Variants in ANKRD13B observed in about 807,000 individuals in gnomAD.
The protein encoded by ANKRD13B is ankyrin repeat domain 13B.
ANKRD13B carries 33 observed loss-of-function variants against 74.4 expected under a neutral mutation model. The observed-to-expected ratio is 0.44, with a 90% CI of 0.34 to 0.59. The LOEUF is 0.59. ANKRD13B is among the 20% of genes least tolerant of loss of function. The pLI is 0.02. For synonymous variants in ANKRD13B, 341 were observed against 362.9 expected, an observed-to-expected ratio of 0.94 and a Z score of 0.68; for missense variants, 676 against 877.9, an observed-to-expected ratio of 0.77 and a Z score of 2.91.
At chr17:29,598,663 C>T (rs1211662665) in intron 1 of ANKRD13B, among the ~76,000 whole-genome samples, 3 of 152,146 alleles carry the variant, frequency 2.0e-5, no homozygotes, top group Admixed American at 1.3e-4. Flanking sequence ...ATCCTCCCAT[C>T]TCAGCCTCCC....
Position 29,608,101 on chromosome 17 carries a change from G to T in ANKRD13B, c.366G>T (p.Lys122Asn). 2.5e-6 allele frequency: 4 copies of T among 1,613,080 alleles called. No individual in the cohort carries two copies. Among genetic ancestry groups the T allele is most frequent in the Non-Finnish European group, 3.4e-6 (4 of 1,179,638 alleles). Reference sequence around the variant, plus strand: ...CGGGCATCCCCGTGCTCCTGGAGAAGCTGCGCAAGGTGAGGCCCAGCCTCT... The same window carrying T: ...CGGGCATCCCCGTGCTCCTGGAGAATCTGCGCAAGGTGAGGCCCAGCCTCT... Reference protein sequence around the residue: ...RLAGIPVLLEKLRKAQDFYVE... With the variant: ...RLAGIPVLLENLRKAQDFYVE... The change falls in exon 3 of 15, where the codon AAG (lysine) becomes AAT (asparagine). Residue 122 changes from lysine to asparagine, a missense_variant. Around this residue, in one of 4 missense-constraint regions of ANKRD13B, gnomAD observed 328 missense variants for 518.4 expected, o/e 0.63. Transcript: ENST00000394859. The surrounding 1 kb of genome is among the most constrained non-coding windows in gnomAD (Gnocchi z 6.4).
Position 29,612,700 on chromosome 17 carries a change from G to GCGGCTA in ANKRD13B, c.1462_1467dup (p.Gly488_Tyr489dup). 6.3e-7 allele frequency: 1 copy of GCGGCTA among 1,595,640 alleles called. No homozygotes were observed. The highest frequency in any genetic ancestry group is 8.5e-7 in the Non-Finnish European group (1 of 1,176,488). On this transcript the variant is annotated inframe_insertion, in exon 13 of 15. Transcript: ENST00000394859. This position sits in a 1 kb window ranked among gnomAD's most constrained non-coding sequence, Gnocchi z 6.1. ...TCCCCAGCGTTGTTCGAGGCCCCGC[G>GCGGCTA]CGGCTACAGCATGATGGGCGGCCAG...
intron 1 of ANKRD13B, among the ~76,000 whole-genome samples, chr17:29,599,037 G>C (rs890565520): frequency 6.6e-6 from 1 of 152,180 alleles, no homozygotes; most frequent in South Asian, 2.1e-4. Flanking sequence ...TGCAGGAGGT[G>C]CTCAACAGGC....
In ANKRD13B at chr17:29,611,500, T is replaced by A; in HGVS notation, c.905-79T>A. 1 of 1,487,262 alleles carries A rather than the reference T, an allele frequency of 6.7e-7. No homozygotes were observed. The highest frequency in any genetic ancestry group is 9.4e-7 in the Non-Finnish European group (1 of 1,066,624). 92.1% of individuals were successfully genotyped at this position (1,487,262 alleles called of 1,614,324 possible). On this transcript the variant is annotated intron_variant, in intron 8 of 14. Transcript: ENST00000394859. The surrounding 1 kb of genome is among the most constrained non-coding windows in gnomAD (Gnocchi z 4.3). ...CAGGAACCGGCCTCCTCCCTAGGTCTTGGGTGCTGTCACCTCTGATGAGGT... is the reference window on the plus strand; with the variant it reads ...CAGGAACCGGCCTCCTCCCTAGGTCATGGGTGCTGTCACCTCTGATGAGGT...
chr17:29,598,199 A>C (rs1421858411), intron 1 of ANKRD13B, among the ~76,000 whole-genome samples: 3 of 152,208 alleles, frequency 2.0e-5, no homozygotes, highest in African/African-American at 7.2e-5. Context: ...AGAGGCCAAC[A>C]GGGGCCAGGC....
chr17:29,603,363 T>G (rs533096345), intron 1 of ANKRD13B, among the ~76,000 whole-genome samples: 1 of 152,180 alleles, frequency 6.6e-6, no homozygotes, highest in East Asian at 1.9e-4. Flanking sequence ...TGCCTCAGCT[T>G]CAGAGGAGCT....
At chr17:29,600,638 T>A (rs1369987623) in intron 1 of ANKRD13B, among the ~76,000 whole-genome samples, 2 of 152,196 alleles carry the variant, frequency 1.3e-5, no homozygotes, top group Non-Finnish European at 2.9e-5. Flanking sequence ...CAGGGGATCC[T>A]GAATTGTAAC....
intron 1 of ANKRD13B, among the ~76,000 whole-genome samples, chr17:29,606,892 T>TA (rs562908331): frequency 9.3e-4 from 141 of 150,938 alleles, no homozygotes; most frequent in Middle Eastern, 3.4e-3. Context: ...CTACTAAAAA[T>TA]ACAAAAAATT....
intron 1 of ANKRD13B, among the ~76,000 whole-genome samples, chr17:29,606,119 C>T (rs144781865): frequency 2.0e-5 from 3 of 151,514 alleles, no homozygotes; most frequent in Non-Finnish European, 4.4e-5. Flanking sequence ...TCCATGTTGT[C>T]AGGCTGGTCT....
At position 29,613,362 on chromosome 17, in the gene ANKRD13B, CG is replaced by C; in HGVS notation, c.1662del (p.Thr556ArgfsTer64). On this transcript the variant is annotated frameshift_variant, in exon 15 of 15. Coordinates refer to ENST00000394859, the MANE Select transcript of ANKRD13B (RefSeq NM_152345.5). LOFTEE classifies it high-confidence loss of function. The stretch of plus-strand genomic sequence containing the variant: ...TCCTTCCCCACCCCCAGGAGCGCCC[CG>C]CCCACGCCGCAGCGCCAGCCTGCGC... The part of the protein sequence containing the change: ...YEGRRQDRSA[P>X]PTPQRQPAPP... The C allele has an allele frequency of 6.8e-7, 1 of 1,461,838 alleles. No homozygotes were observed. The highest frequency in any genetic ancestry group is 2.9e-5 in the East Asian group (1 of 34,350). 90.6% of individuals were successfully genotyped at this position (1,461,838 alleles called of 1,614,324 possible).
chr17:29,612,322 G>A lies in ANKRD13B; in HGVS notation c.1258+49G>A. The A allele has an allele frequency of 6.2e-7, 1 of 1,612,346 alleles. No homozygotes were observed. The highest frequency in any genetic ancestry group is 8.5e-7 in the Non-Finnish European group (1 of 1,178,720). On this transcript the variant is annotated intron_variant, in intron 11 of 14. Transcript: ENST00000394859. This position sits in a 1 kb window ranked among gnomAD's most constrained non-coding sequence, Gnocchi z 6.1. The stretch of plus-strand genomic sequence containing the variant: ...CTGAGCCCGTGGCGGGCCGACCGGG[G>A]TTTAGATGAGGTCGGGGTGGGGCTG...
rs147534314 is a variant in ANKRD13B, at chr17:29,609,097, G to C, written c.577G>C (p.Val193Leu). ...TCCGTGTCTGGCAGACACAAGCGCCGTGGTCATGGAGATTGACCACGACCG... is the reference window on the plus strand; with the variant it reads ...TCCGTGTCTGGCAGACACAAGCGCCCTGGTCATGGAGATTGACCACGACCG... Reference protein sequence around the residue: ...FVFRGQDTSAVVMEIDHDRRV... With the variant: ...FVFRGQDTSALVMEIDHDRRV... The change falls in exon 6 of 15, where the codon GTG (valine) becomes CTG (leucine). Residue 193 changes from valine (V) to leucine (L), a missense_variant. Coordinates refer to ENST00000394859, the MANE Select transcript of ANKRD13B (RefSeq NM_152345.5). This position sits in a 1 kb window ranked among gnomAD's most constrained non-coding sequence, Gnocchi z 4.0. 6.2e-7 allele frequency: 1 copy of C among 1,610,716 alleles called. No individual in the cohort carries two copies. The highest frequency in any genetic ancestry group is 1.3e-5 in the African/African-American group (1 of 75,052).
At chr17:29,607,954 C>G in intron 2 of ANKRD13B, 32 bp from the exon 3 acceptor site, 2 of 1,591,884 alleles carry the variant, frequency 1.3e-6, no homozygotes, top group Non-Finnish European at 8.6e-7. Context: ...CTGAAGGGTC[C>G]TGCCCTGTGA....
In ANKRD13B at chr17:29,608,175, C is replaced by G. The variant is rs756917681; in HGVS notation, c.376-20C>G. 6.2e-7 allele frequency: 1 copy of G among 1,614,214 alleles called. No homozygotes were observed. Among genetic ancestry groups the G allele is most frequent in the Non-Finnish European group, 8.5e-7 (1 of 1,180,036 alleles). ...CCCTTCTCCAGTGCAGACTTAGCCT[C>G]TCTCCCCTTCGTCCTCCAGGCCCAG... On this transcript the variant is annotated intron_variant, in intron 3 of 14. Coordinates refer to ENST00000394859, the MANE Select transcript of ANKRD13B (RefSeq NM_152345.5). This position sits in a 1 kb window ranked among gnomAD's most constrained non-coding sequence, Gnocchi z 6.4.
chr17:29,594,260 G>T (rs1260386960), intron 1 of ANKRD13B, among the ~76,000 whole-genome samples: 1 of 152,146 alleles, frequency 6.6e-6, no homozygotes, highest in Admixed American at 6.6e-5. Flanking sequence ...CCCAGCCCCA[G>T]CTCAGGAACA....
intron 1 of ANKRD13B, among the ~76,000 whole-genome samples, chr17:29,596,904 G>T (rs1326675940): frequency 2.0e-5 from 3 of 152,172 alleles, no homozygotes; most frequent in East Asian, 3.9e-4. Flanking sequence ...AGGGCAGGAT[G>T]GGAGGGGTGA....
rs749139132 is a variant in ANKRD13B, at chr17:29,613,552, C to T, written c.1851C>T (p.Arg617=). ...RARQEEEELE[R]ILRLSLTEQ is the part of the protein sequence containing the mutation. Reference sequence around the variant, plus strand: ...GCCAGGAGGAGGAGGAGCTGGAGCGCATCCTGAGGCTCTCACTGACCGAGC... The same window carrying T: ...GCCAGGAGGAGGAGGAGCTGGAGCGTATCCTGAGGCTCTCACTGACCGAGC... Residue 617 remains arginine (R), a synonymous_variant, in exon 15 of 15, where the codon CGC becomes CGT. Transcript: ENST00000394859. 3.3e-6 allele frequency: 5 copies of T among 1,512,750 alleles called. No individual in the cohort carries two copies. Among genetic ancestry groups the T allele is most frequent in the Non-Finnish European group, 4.4e-6 (5 of 1,132,468 alleles). The allele number at this position is 1,512,750 out of a possible 1,614,324, so 93.7% of individuals were successfully genotyped here. A position where few individuals can be genotyped will look rare whatever the true frequency, so the allele number is the denominator to read the frequency against.
intron 1 of ANKRD13B, among the ~76,000 whole-genome samples, chr17:29,597,482 C>A (rs928793465): frequency 6.6e-6 from 1 of 151,806 alleles, no homozygotes; most frequent in Non-Finnish European, 1.5e-5. Flanking sequence ...CCCAGGGACC[C>A]CCAGCTACAA....
intron 1 of ANKRD13B, among the ~76,000 whole-genome samples, chr17:29,599,146 G>C (rs2034063657): frequency 6.6e-6 from 1 of 152,208 alleles, no homozygotes. Flanking sequence ...AGCAGCCTGA[G>C]TGAAGGGAGG....
Sources: gnomAD v4.1 joint callset for allele counts (sites outside exome capture counted in the v4.1 genomes callset) on GRCh38, gnomAD v4.1.1 for gene constraint, gnomAD v4.1.1 regional missense constraint, Gnocchi (gnomAD v3.1) non-coding constraint, MANE v1.5 for transcripts, NCBI Gene and HGNC (gene_info 2026-07-23, HGNC 2026-07-21) for gene names.